ASIP: variants seen among roughly 807,000 people sequenced by gnomAD.
ASIP encodes the protein agouti-signaling protein.
ASIP carries 11 observed loss-of-function variants against 10.3 expected under a neutral mutation model. That is an observed-to-expected ratio of 1.07 (90% confidence interval 0.68 to 1.78). The LOEUF (loss-of-function observed/expected upper bound fraction) is 1.78, where lower values mean the gene tolerates loss of function less well. Ranked by LOEUF, ASIP falls within the 40% of genes most tolerant of loss-of-function variation. ASIP has a pLI of 0.00. For missense variants in ASIP, 180 were observed against 169.2 expected (o/e 1.06, Z -0.35); for synonymous variants, 70 against 70.8 (o/e 0.99, Z 0.06).
chr20:34,205,790 A>T (rs868211224), intron 1 of ASIP, among the ~76,000 whole-genome samples: 1 of 145,794 alleles, frequency 6.9e-6, no homozygotes, highest in Non-Finnish European at 1.5e-5. Flanking sequence ...TAGACAAAAA[A>T]GTTCTCCAAG....
intron 1 of ASIP, among the ~76,000 whole-genome samples, chr20:34,257,008 C>G (rs919018554): frequency 6.6e-6 from 1 of 151,874 alleles, no homozygotes; most frequent in South Asian, 2.1e-4. Context: ...CTTTACTTTC[C>G]TTGTTTTTTA....
chr20:34,222,290 A>AT (rs1214057063), intron 1 of ASIP, among the ~76,000 whole-genome samples: 1 of 151,724 alleles, frequency 6.6e-6, no homozygotes, highest in Admixed American at 6.6e-5. Flanking sequence ...AAAAAAAAAA[A>AT]GGCTACAGAT....
intron 1 of ASIP, among the ~76,000 whole-genome samples, chr20:34,198,290 A>T (rs6120564): frequency 0.11 from 16,586 of 151,816 alleles, 961 homozygotes; most frequent in South Asian, 0.19. Context: ...GGGTTTCACC[A>T]TGTTGGCCAG....
intron 1 of ASIP, among the ~76,000 whole-genome samples, chr20:34,242,010 G>T (rs912316027): frequency 7.2e-5 from 11 of 151,994 alleles, no homozygotes; most frequent in Non-Finnish European, 1.5e-4. Context: ...TTTCTGAATG[G>T]ATATCCATAT....
intron 3 of ASIP, 34 bp downstream of exon 3, chr20:34,262,927 T>A: frequency 6.2e-7 from 1 of 1,611,694 alleles, no homozygotes; most frequent in Non-Finnish European, 8.5e-7. Flanking sequence ...GTTCTCATTG[T>A]TGGGGTGAGA....
At chr20:34,235,973 G>GAGGGAAGA (rs2035199807) in intron 1 of ASIP, among the ~76,000 whole-genome samples, 1 of 134,920 alleles carries the variant, frequency 7.4e-6, no homozygotes, top group Non-Finnish European at 1.6e-5. Flanking sequence ...AGGAGGGAGG[G>GAGGGAAGA]AGGGAAGAAG....
In ASIP at chr20:34,210,694, C is replaced by T. The variant is rs141579472; in HGVS notation, c.-11+15934C>T. The stretch of plus-strand genomic sequence containing the variant: ...CAGAGGTTTCCAGCCAGAAAAGTGA[C>T]ACCCCGAGGATCCTGCAACAGTACT... On this transcript the variant is annotated intron_variant, in intron 1 of 3. Coordinates refer to the ASIP transcript ENST00000568305. Among the ~76,000 whole-genome samples, 271 of 152,330 alleles carry T rather than the reference C, an allele frequency of 1.8e-3. 1 individual carries two copies. The highest frequency in any genetic ancestry group is 6.4e-3 in the African/African-American group (264 of 41,572).
intron 1 of ASIP, chr20:34,215,234 G>A (rs7347470): frequency 2.0e-5 from 31 of 1,576,456 alleles, no homozygotes; most frequent in Non-Finnish European, 2.7e-5. Flanking sequence ...TTGGCTAAAA[G>A]GGATAAGTCA....
intron 1 of ASIP, chr20:34,214,821 T>C: frequency 9.4e-6 from 15 of 1,592,538 alleles, no homozygotes; most frequent in Non-Finnish European, 1.3e-5. Flanking sequence ...CATAACAAAA[T>C]CCAATATTAG....
chr20:34,193,443 T>A (rs1568742268), upstream of ASIP, among the ~76,000 whole-genome samples: 2 of 152,004 alleles, frequency 1.3e-5, no homozygotes, highest in Non-Finnish European at 2.9e-5. Flanking sequence ...TTTTTTTTTT[T>A]CCAGTTACAT....
At chr20:34,264,309 G>C (rs1432079607) in intron 3 of ASIP, among the ~76,000 whole-genome samples, 2 of 152,278 alleles carry the variant, frequency 1.3e-5, no homozygotes, top group Non-Finnish European at 1.5e-5. Context: ...ACCTCCTGTT[G>C]CCATTGCGGC....
At chr20:34,196,328 C>T (rs1340155856) in intron 1 of ASIP, among the ~76,000 whole-genome samples, 1 of 151,872 alleles carries the variant, frequency 6.6e-6, no homozygotes, top group Non-Finnish European at 1.5e-5. Context: ...CGCCCGCCAC[C>T]ACGCCCAGCT....
At chr20:34,268,883 G>A in intron 3 of ASIP, 108 bp from the exon 4 acceptor site, 1 of 1,402,192 alleles carries the variant, frequency 7.1e-7, no homozygotes, top group South Asian at 1.3e-5. Flanking sequence ...AAGCCAGCGG[G>A]GAAACCTCTG....
chr20:34,241,727 C>T (rs1171840027), intron 1 of ASIP, among the ~76,000 whole-genome samples: 1 of 152,094 alleles, frequency 6.6e-6, no homozygotes, highest in African/African-American at 2.4e-5. Flanking sequence ...TAGCAGTAAA[C>T]GAATAAATAA....
chr20:34,201,708 A>T (rs1244154046), intron 1 of ASIP, among the ~76,000 whole-genome samples: 1 of 152,190 alleles, frequency 6.6e-6, no homozygotes, highest in Non-Finnish European at 1.5e-5. Context: ...TCAAACTTGC[A>T]TGTTGCCTAG....
At chr20:34,240,547 A>C (rs1393025905), upstream of ASIP, among the ~76,000 whole-genome samples, 2 of 152,320 alleles carry the variant, frequency 1.3e-5, no homozygotes, top group Non-Finnish European at 2.9e-5. Flanking sequence ...TATGAGACCA[A>C]TATTCCTGCA....
intron 1 of ASIP, chr20:34,250,219 G>A (rs1324128682): frequency 6.6e-6 from 1 of 152,286 alleles, no homozygotes; most frequent in Non-Finnish European, 1.5e-5. Context: ...CAGACACTCT[G>A]GCTGCCTTGA....
At chr20:34,261,158 A>G (rs1222229723) in intron 2 of ASIP, among the ~76,000 whole-genome samples, 1 of 152,220 alleles carries the variant, frequency 6.6e-6, no homozygotes, top group African/African-American at 2.4e-5. Context: ...CCAGAACCTA[A>G]GCTCAAAACT....
intron 1 of ASIP, among the ~76,000 whole-genome samples, chr20:34,248,647 A>T (rs1014332766): frequency 6.6e-6 from 1 of 152,022 alleles, no homozygotes; most frequent in Non-Finnish European, 1.5e-5. Flanking sequence ...TACTAAAAAA[A>T]TAATTGGCCT....
Sources: gnomAD v4.1 joint callset for allele counts (sites outside exome capture counted in the v4.1 genomes callset) on GRCh38, gnomAD v4.1.1 for gene constraint, MANE v1.5 for transcripts, NCBI Gene and HGNC (gene_info 2026-07-23, HGNC 2026-07-21) for gene names.